The following SNTG1 variants were observed in gnomAD, a reference collection of about 807,000 sequenced individuals.
SNTG1 encodes the protein gamma-1-syntrophin.
Under a neutral mutation model 74.7 loss-of-function variants are expected in SNTG1, and 39 were observed. The ratio of observed to expected loss-of-function variants is 0.52; its 90% confidence interval spans 0.40 to 0.68. The LOEUF is 0.68. Ranked by LOEUF, SNTG1 falls within the 30% of genes least tolerant of loss-of-function variation. The pLI, the probability that SNTG1 is intolerant of heterozygous loss-of-function variation, is 0.00. For missense variants in SNTG1, 685 were observed against 609.5 expected (o/e 1.12, Z -1.30); for synonymous variants, 254 against 217.1 (o/e 1.17, Z -1.49).
At chr8:50,237,180 C>CT (rs1434163391) in intron 2 of SNTG1, among the ~76,000 whole-genome samples, 1 of 151,742 alleles carries the variant, frequency 6.6e-6, no homozygotes, top group Non-Finnish European at 1.5e-5. Flanking sequence ...GAACCAGAAA[C>CT]TTTGTCTGAT....
intron 1 of SNTG1, among the ~76,000 whole-genome samples, chr8:50,028,318 T>G (rs1210356765): frequency 6.6e-6 from 1 of 152,180 alleles, no homozygotes; most frequent in African/African-American, 2.4e-5. Context: ...TTGAGTAATA[T>G]TTCATGGTAT....
chr8:50,473,061 C>T (rs1301742573), intron 8 of SNTG1, among the ~76,000 whole-genome samples: 1 of 152,122 alleles, frequency 6.6e-6, no homozygotes, highest in Non-Finnish European at 1.5e-5. Flanking sequence ...TATGGTTAGG[C>T]TTTGTGTCCC....
chr8:50,669,166 A>G (rs1287385666), intron 15 of SNTG1, among the ~76,000 whole-genome samples: 1 of 152,118 alleles, frequency 6.6e-6, no homozygotes, highest in Non-Finnish European at 1.5e-5. Flanking sequence ...AAGCTAGCAG[A>G]AGGCAAGAAA....
At chr8:50,148,869 G>A (rs538263124) in intron 1 of SNTG1, among the ~76,000 whole-genome samples, 1 of 152,202 alleles carries the variant, frequency 6.6e-6, no homozygotes, top group East Asian at 1.9e-4. Context: ...ACGTGTGCAT[G>A]TGCCTTGATA....
At chr8:50,176,789 C>G (rs892252181) in intron 2 of SNTG1, among the ~76,000 whole-genome samples, 4 of 152,172 alleles carry the variant, frequency 2.6e-5, no homozygotes, top group African/African-American at 7.2e-5. Context: ...CAAAGACTCT[C>G]TTAGTTGAGA....
At chr8:50,515,312 A>T (rs78564888) in intron 9 of SNTG1, among the ~76,000 whole-genome samples, 3,696 of 151,820 alleles carry the variant, frequency 0.024, 140 homozygotes, top group African/African-American at 0.082. Flanking sequence ...ATGTGTAAAA[A>T]TACACATACC....
chr8:49,972,269 G>T (rs1811759051), intron 1 of SNTG1, among the ~76,000 whole-genome samples: 2 of 152,278 alleles, frequency 1.3e-5, no homozygotes, highest in African/African-American at 2.4e-5. Flanking sequence ...ATGAGGAAAG[G>T]ATTCTCTATT....
chr8:50,643,361 G>A (rs568242279), intron 13 of SNTG1, among the ~76,000 whole-genome samples: 1 of 152,182 alleles, frequency 6.6e-6, no homozygotes, highest in Admixed American at 6.5e-5. Context: ...GCCCTCTGTG[G>A]TGACAAATCA....
At chr8:50,480,710 T>C (rs759226684) in intron 8 of SNTG1, among the ~76,000 whole-genome samples, 1 of 152,198 alleles carries the variant, frequency 6.6e-6, no homozygotes, top group Admixed American at 6.5e-5. Context: ...TTGTATTCTT[T>C]ACAAAATTAT....
At chr8:50,312,965 G>A (rs2130764281) in intron 2 of SNTG1, among the ~76,000 whole-genome samples, 1 of 149,852 alleles carries the variant, frequency 6.7e-6, no homozygotes, top group South Asian at 2.2e-4. Flanking sequence ...AATTAATATT[G>A]TTAAAATGTC....
chr8:50,610,705 C>T (rs973316405), intron 13 of SNTG1, among the ~76,000 whole-genome samples: 3 of 152,038 alleles, frequency 2.0e-5, no homozygotes, highest in African/African-American at 7.2e-5. Flanking sequence ...TTCATGTGAA[C>T]AAAGTAAGTA....
intron 1 of SNTG1, among the ~76,000 whole-genome samples, chr8:50,047,661 T>C (rs939318087): frequency 6.6e-6 from 1 of 152,148 alleles, no homozygotes; most frequent in Admixed American, 6.6e-5. Context: ...AGTAAGTATA[T>C]GTAATAGGAT....
intron 2 of SNTG1, among the ~76,000 whole-genome samples, chr8:50,368,805 G>A (rs1277240171): frequency 6.6e-6 from 1 of 152,134 alleles, no homozygotes; most frequent in Non-Finnish European, 1.5e-5. Context: ...AATTGCCCTT[G>A]CTAGGTTTTC....
At chr8:49,938,603 T>TTTTCTTTCTTTTCTTTCTTTCTTTC (rs1808366361) in intron 1 of SNTG1, among the ~76,000 whole-genome samples, 20 of 74,766 alleles carry the variant, frequency 2.7e-4, no homozygotes, top group African/African-American at 4.1e-4. Flanking sequence ...TTTTCTTTTC[T>TTTTCTTTCTTTTCTTTCTTTCTTTC]TTTCTTTCTT....
intron 1 of SNTG1, among the ~76,000 whole-genome samples, chr8:50,032,368 T>C (rs1011875111): frequency 1.3e-5 from 2 of 152,206 alleles, no homozygotes; most frequent in Non-Finnish European, 2.9e-5. Context: ...TTTTTTGAGA[T>C]GGCAGATTAG....
intron 8 of SNTG1, among the ~76,000 whole-genome samples, chr8:50,478,703 C>T (rs867055392): frequency 2.0e-5 from 3 of 152,082 alleles, no homozygotes; most frequent in Non-Finnish European, 2.9e-5. Context: ...TTCCAGACAG[C>T]TCTGTTATTT....
chr8:49,931,297 C>G (rs577042748), intron 1 of SNTG1, among the ~76,000 whole-genome samples: 2 of 152,310 alleles, frequency 1.3e-5, no homozygotes, highest in South Asian at 4.1e-4. Flanking sequence ...ATCCTATAAA[C>G]CAGGGACTGT....
intron 2 of SNTG1, among the ~76,000 whole-genome samples, chr8:50,197,551 C>A (rs1181276851): frequency 6.6e-6 from 1 of 152,120 alleles, no homozygotes; most frequent in Non-Finnish European, 1.5e-5. Flanking sequence ...AATGAATATC[C>A]TTGCATACTT....
intron 2 of SNTG1, among the ~76,000 whole-genome samples, chr8:50,217,288 C>T (rs1457470455): frequency 6.6e-6 from 1 of 151,966 alleles, no homozygotes; most frequent in Non-Finnish European, 1.5e-5. Context: ...AATAAAACCA[C>T]CTTGGCCTAT....
Sources: allele counts gnomAD v4.1 joint callset (sites outside exome capture counted in the v4.1 genomes callset), GRCh38; gene constraint gnomAD v4.1.1; transcripts MANE v1.5; gene names NCBI Gene and HGNC (gene_info 2026-07-23, HGNC 2026-07-21).